Variants in RAB6A observed in about 807,000 individuals in gnomAD.
The protein encoded by RAB6A is ras-related protein Rab-6A.
Under a neutral mutation model 32.3 loss-of-function variants are expected in RAB6A, and 8 were observed. That is an observed-to-expected ratio of 0.25 (90% confidence interval 0.15 to 0.45). The LOEUF is 0.45. Among genes scored for constraint, RAB6A ranks in the 20% least tolerant of loss-of-function variants. RAB6A has a pLI of 1.00. For synonymous variants in RAB6A, 73 were observed against 82.1 expected (o/e 0.89, Z 0.60); for missense variants, 104 against 249.4 (o/e 0.42, Z 3.93).
chr11:73,681,943 T>C (rs901666950), intron 6 of RAB6A, among the ~76,000 whole-genome samples: 1 of 152,190 alleles, frequency 6.6e-6, no homozygotes, highest in South Asian at 2.1e-4. Flanking sequence ...TAAGGTTCAG[T>C]AGCTTTTTTA....
At chr11:73,740,324 C>G (rs879431166) in intron 1 of RAB6A, among the ~76,000 whole-genome samples, 2 of 152,108 alleles carry the variant, frequency 1.3e-5, no homozygotes, top group Admixed American at 1.3e-4. Flanking sequence ...ATTGTTCCAT[C>G]CTGGTAACAA....
chr11:73,695,722 G>A (rs935146300), intron 6 of RAB6A, among the ~76,000 whole-genome samples: 1 of 152,086 alleles, frequency 6.6e-6, no homozygotes, highest in Non-Finnish European at 1.5e-5. Flanking sequence ...ATCTTTGCTG[G>A]AACAGCTTCT....
At chr11:73,724,538 T>A (rs982401041) in intron 2 of RAB6A, among the ~76,000 whole-genome samples, 1 of 145,518 alleles carries the variant, frequency 6.9e-6, no homozygotes, top group Non-Finnish European at 1.5e-5. Context: ...CAGGCTGGAG[T>A]GCAGTGGCTC....
At chr11:73,689,354 T>C (rs1316911299) in intron 6 of RAB6A, among the ~76,000 whole-genome samples, 1 of 152,132 alleles carries the variant, frequency 6.6e-6, no homozygotes, top group Non-Finnish European at 1.5e-5. Flanking sequence ...TTCACAATAG[T>C]GTTCATGCTC....
chr11:73,717,410 G>T (rs1265791382), intron 4 of RAB6A, among the ~76,000 whole-genome samples: 1 of 152,106 alleles, frequency 6.6e-6, no homozygotes, highest in Non-Finnish European at 1.5e-5. Flanking sequence ...TGGGCACAAT[G>T]GTTCATGCCT....
intron 2 of RAB6A, chr11:73,722,201 A>C (rs1946142932): frequency 6.7e-6 from 1 of 148,720 alleles, no homozygotes; most frequent in African/African-American, 2.5e-5. Context: ...AATTTCTCCC[A>C]GCAGTGTTTT....
intron 1 of RAB6A, among the ~76,000 whole-genome samples, chr11:73,757,952 C>G (rs1449640040): frequency 2.0e-5 from 3 of 152,212 alleles, no homozygotes; most frequent in Non-Finnish European, 4.4e-5. Flanking sequence ...GAGTTGCATT[C>G]TTCTGTGGGA....
chr11:73,697,905 C>A (rs1945680399), intron 6 of RAB6A, among the ~76,000 whole-genome samples: 1 of 152,166 alleles, frequency 6.6e-6, no homozygotes, highest in Non-Finnish European at 1.5e-5. Context: ...ATATAGATTT[C>A]TGACCATTCA....
chr11:73,760,417 G>A (rs1946827020), intron 1 of RAB6A, 149 bp downstream of exon 1: 3 of 1,078,700 alleles, frequency 2.8e-6, no homozygotes, highest in African/African-American at 3.2e-5. Flanking sequence ...AAGAGCCAGT[G>A]GCACCGGGGG....
intron 1 of RAB6A, among the ~76,000 whole-genome samples, chr11:73,743,240 G>A (rs1291581433): frequency 6.6e-6 from 1 of 150,538 alleles, no homozygotes; most frequent in East Asian, 2.0e-4. Context: ...GGGAGGCGGA[G>A]GTTGCAATGA....
chr11:73,720,197 T>TTG (rs1946113360), intron 3 of RAB6A, among the ~76,000 whole-genome samples: 1 of 149,862 alleles, frequency 6.7e-6, no homozygotes, highest in Non-Finnish European at 1.5e-5. Flanking sequence ...TTTTTTTTTT[T>TTG]GCAACGGAGT....
At chr11:73,679,021 C>T (rs1050880695) in intron 7 of RAB6A, among the ~76,000 whole-genome samples, 10 of 151,946 alleles carry the variant, frequency 6.6e-5, no homozygotes, top group South Asian at 2.1e-4. Flanking sequence ...CCACCGCGCC[C>T]GGCCTGTTTT....
At chr11:73,681,000 G>A (rs1176590249) in intron 6 of RAB6A, among the ~76,000 whole-genome samples, 1 of 152,138 alleles carries the variant, frequency 6.6e-6, no homozygotes, top group African/African-American at 2.4e-5. Flanking sequence ...TACACCCACT[G>A]GGTACAACAG....
intron 6 of RAB6A, among the ~76,000 whole-genome samples, chr11:73,682,190 A>G (rs1375943057): frequency 1.3e-5 from 2 of 152,148 alleles, no homozygotes; most frequent in African/African-American, 4.8e-5. Context: ...GAGTGTGGCG[A>G]CACGAGCTTG....
chr11:73,739,681 G>A (rs1243003225), intron 1 of RAB6A, among the ~76,000 whole-genome samples: 1 of 152,050 alleles, frequency 6.6e-6, no homozygotes, highest in Non-Finnish European at 1.5e-5. Flanking sequence ...AGTTTTATAA[G>A]TGGCAAAGTA....
rs554293422 is a variant in RAB6A, at chr11:73,717,206, GC to G, written c.290-845del. ...TCCTTGAATGCAATCTTCTAATTTT[GC>G]CAGCACAATTATTCGTTATTAGATA... On this transcript the variant is annotated intron_variant, in intron 4 of 7. Coordinates refer to ENST00000336083, the MANE Select transcript of RAB6A (RefSeq NM_198896.2). Among the ~76,000 whole-genome samples the G allele has an allele frequency of 9.1e-3, 1,388 of 152,246 alleles. 15 individuals carry two copies. The highest frequency in any genetic ancestry group is 0.034 in the Middle Eastern group (10 of 294).
At chr11:73,730,964 C>T in intron 1 of RAB6A, 141 bp from the exon 2 acceptor site, 1 of 607,514 alleles carries the variant, frequency 1.6e-6, no homozygotes, top group East Asian at 3.0e-5. Context: ...ACCCATATAG[C>T]CCCAAGATTG....
intron 6 of RAB6A, among the ~76,000 whole-genome samples, chr11:73,705,354 C>T (rs1945821387): frequency 1.3e-5 from 2 of 152,128 alleles, no homozygotes. Flanking sequence ...TTGAGTCAAG[C>T]CTGGCCAACA....
chr11:73,709,747 G>A (rs1480907002), intron 5 of RAB6A, among the ~76,000 whole-genome samples: 1 of 148,962 alleles, frequency 6.7e-6, no homozygotes, highest in Non-Finnish European at 1.5e-5. Flanking sequence ...ATTCCTCCTG[G>A]TTTAAATCTT....
Sources: gnomAD v4.1 joint callset for allele counts (sites outside exome capture counted in the v4.1 genomes callset) on GRCh38, gnomAD v4.1.1 for gene constraint, MANE v1.5 for transcripts, NCBI Gene and HGNC (gene_info 2026-07-23, HGNC 2026-07-21) for gene names.